Variants in KLHL29 observed in about 807,000 individuals in gnomAD.
The protein encoded by KLHL29 is kelch like family member 29.
KLHL29 carries 21 observed loss-of-function variants against 80.4 expected under a neutral mutation model. The ratio of observed to expected loss-of-function variants is 0.26; its 90% CI spans 0.19 to 0.38. The LOEUF (loss-of-function observed/expected upper bound fraction) is 0.38. Among genes scored for constraint, KLHL29 ranks in the 10% least tolerant of loss-of-function variants. The pLI is 1.00. For missense variants in KLHL29, 867 were observed against 1,223.9 expected (o/e 0.71, Z 4.35); for synonymous variants, 511 against 526.8 (o/e 0.97, Z 0.41).
intron 3 of KLHL29, among the ~76,000 whole-genome samples, chr2:23,626,152 A>T (rs1050595524): frequency 1.3e-5 from 2 of 152,194 alleles, no homozygotes; most frequent in Non-Finnish European, 2.9e-5. Context: ...ATCAGACATT[A>T]GATTCTCATA....
chr2:23,540,392 C>T (rs1342529059), intron 2 of KLHL29, among the ~76,000 whole-genome samples: 1 of 152,244 alleles, frequency 6.6e-6, no homozygotes, highest in East Asian at 1.9e-4. Context: ...TATTGGACAA[C>T]ACAGATCATA....
chr2:23,570,233 C>CA (rs1396212506), intron 3 of KLHL29, among the ~76,000 whole-genome samples: 1 of 152,130 alleles, frequency 6.6e-6, no homozygotes, highest in Non-Finnish European at 1.5e-5. Context: ...TTGATGGCAG[C>CA]AAAAATCTGC....
Position 23,691,743 on chromosome 2 carries a change from C to T in KLHL29, c.1149C>T (p.Asp383=), listed in dbSNP as rs372774137. ...LELVLSNLQA[D]VLELLLEFVY... ...TCGTCCTGTCGAACCTGCAGGCAGA[C>T]GTCCTGGAGTTGCTGCTGGAGTTTG... Residue 383 remains aspartate (D), a synonymous_variant, in exon 7 of 14, where the codon GAC becomes GAT. Transcript: ENST00000486442. 2.4e-4 allele frequency: 375 copies of T among 1,551,680 alleles called. No homozygotes were observed. Among genetic ancestry groups the T allele is most frequent in the Non-Finnish European group, 2.8e-4 (318 of 1,147,022 alleles).
intron 4 of KLHL29, among the ~76,000 whole-genome samples, chr2:23,641,861 G>A (rs1403824764): frequency 6.6e-6 from 1 of 152,210 alleles, no homozygotes; most frequent in African/African-American, 2.4e-5. Context: ...GTGCACACCT[G>A]TAATCCCAAC....
intron 2 of KLHL29, among the ~76,000 whole-genome samples, chr2:23,518,222 C>T (rs1313769804): frequency 6.6e-6 from 1 of 152,202 alleles, no homozygotes; most frequent in Non-Finnish European, 1.5e-5. Context: ...ATGGCTCCTC[C>T]TCCCACATGA....
chr2:23,402,181 G>A (rs1025615880), intron 1 of KLHL29, among the ~76,000 whole-genome samples: 20 of 152,274 alleles, frequency 1.3e-4, no homozygotes, highest in African/African-American at 4.6e-4. Context: ...GGCCGTCTGG[G>A]TGAGGGGTCA....
Position 23,623,536 on chromosome 2 carries a change from C to G in KLHL29, c.286-15603C>G, listed in dbSNP as rs566444605. Reference sequence around the variant, plus strand: ...GGAAAATGTATCTGGGAGGAAAGCTCAAAGTGGCCATGGGGGACTCTGTGT... The same window carrying G: ...GGAAAATGTATCTGGGAGGAAAGCTGAAAGTGGCCATGGGGGACTCTGTGT... On this transcript the variant is annotated intron_variant, in intron 3 of 13. Transcript: ENST00000486442. Among the ~76,000 whole-genome samples, 24 of 152,212 alleles carry G rather than the reference C, an allele frequency of 1.6e-4. 1 individual carries two copies. The East Asian group carries it at 4.1e-3, about 26-fold the overall frequency.
chr2:23,671,322 G>A (rs373654293), intron 5 of KLHL29, among the ~76,000 whole-genome samples: 1 of 152,036 alleles, frequency 6.6e-6, no homozygotes, highest in East Asian at 1.9e-4. Flanking sequence ...CCTGCCCCAT[G>A]CCCAGTTCTC....
At chr2:23,455,807 A>C (rs1416835288) in intron 1 of KLHL29, among the ~76,000 whole-genome samples, 1 of 152,040 alleles carries the variant, frequency 6.6e-6, no homozygotes, top group Non-Finnish European at 1.5e-5. Flanking sequence ...TTAGGCACTG[A>C]ATTGTGTCTC....
intron 5 of KLHL29, among the ~76,000 whole-genome samples, chr2:23,650,523 G>A (rs542116245): frequency 6.6e-6 from 1 of 152,188 alleles, no homozygotes; most frequent in Non-Finnish European, 1.5e-5. Flanking sequence ...AGCCTCATCA[G>A]TCAGTGTTTG....
chr2:23,524,935 A>C (rs1014101795), intron 2 of KLHL29, among the ~76,000 whole-genome samples: 2 of 152,212 alleles, frequency 1.3e-5, no homozygotes, highest in African/African-American at 4.8e-5. Context: ...AATTTTTTTT[A>C]TCCAAACTCT....
chr2:23,482,092 G>A (rs912518391), intron 2 of KLHL29, among the ~76,000 whole-genome samples: 1 of 152,110 alleles, frequency 6.6e-6, no homozygotes, highest in African/African-American at 2.4e-5. Context: ...ACAGCAGGCG[G>A]AGATTGTCAA....
rs1235438903 is a variant in KLHL29 at position 23,703,369 on chromosome 2, C to A, written c.2289C>A (p.Ser763=). The change falls in exon 12 of 14, where the codon TCC becomes TCA. Residue 763 remains serine, a synonymous_variant. Coordinates refer to ENST00000486442, the MANE Select transcript of KLHL29 (RefSeq NM_052920.2). ...CCAACACGTGGAGCTTCATCGAGTC[C>A]CCAATGATTGGTGAGAACCAGCGGT... is the stretch of plus-strand genomic sequence containing the variant. ...PQTNTWSFIE[S]PMIDNKYAPA... 2.7e-6 allele frequency: 4 copies of A among 1,502,956 alleles called. No homozygotes were observed. The highest frequency in any genetic ancestry group is 2.7e-6 in the Non-Finnish European group (3 of 1,127,074). 93.1% of individuals were successfully genotyped at this position (1,502,956 alleles called of 1,614,324 possible).
At chr2:23,465,988 G>A (rs980448752) in intron 1 of KLHL29, among the ~76,000 whole-genome samples, 2 of 151,972 alleles carry the variant, frequency 1.3e-5, no homozygotes, top group Non-Finnish European at 2.9e-5. Context: ...CAGAGGTGAC[G>A]GTGTTCATCT....
chr2:23,631,850 A>G (rs745707739), intron 3 of KLHL29, among the ~76,000 whole-genome samples: 1 of 152,164 alleles, frequency 6.6e-6, no homozygotes, highest in Non-Finnish European at 1.5e-5. Context: ...TCCATGAGCC[A>G]CATAAGCAAG....
intron 11 of KLHL29, among the ~76,000 whole-genome samples, chr2:23,701,839 T>C (rs1347486212): frequency 5.0e-5 from 7 of 139,710 alleles, no homozygotes; most frequent in African/African-American, 1.9e-4. Context: ...TTTTGCTCGT[T>C]GCCCAGGCTG....
rs570763206 is a variant in KLHL29 at position 23,649,835 on chromosome 2, G to A, written c.940+6985G>A. Among the ~76,000 whole-genome samples, 13 of 152,340 alleles carry A rather than the reference G, an allele frequency of 8.5e-5. No individual in the cohort carries two copies. In the South Asian group the frequency reaches 1.7e-3, roughly 19 times the overall value. On this transcript the variant is annotated intron_variant, in intron 5 of 13. Transcript: ENST00000486442. ...GAAGCCAGCTGCCCTGATCCCAGCC[G>A]CTGTCTTCCTTCAGGAGCAGCAGGC...
intron 2 of KLHL29, among the ~76,000 whole-genome samples, chr2:23,537,833 T>A (rs1666719361): frequency 6.6e-6 from 1 of 152,148 alleles, no homozygotes; most frequent in South Asian, 2.1e-4. Context: ...GCTCATTGGA[T>A]CCTGGTTTGA....
chr2:23,632,253 A>G (rs897613778), intron 3 of KLHL29, among the ~76,000 whole-genome samples: 1 of 152,248 alleles, frequency 6.6e-6, no homozygotes, highest in Admixed American at 6.5e-5. Context: ...TGTCATCTAA[A>G]AGATCCCAGA....
Sources: allele counts gnomAD v4.1 joint callset (sites outside exome capture counted in the v4.1 genomes callset), GRCh38; gene constraint gnomAD v4.1.1; transcripts MANE v1.5; gene names NCBI Gene and HGNC (gene_info 2026-07-23, HGNC 2026-07-21).